The following CHD6 variants were observed in gnomAD, a reference collection of about 807,000 sequenced individuals.
The protein encoded by CHD6 is chromodomain helicase DNA binding protein 6, also known as ATP-dependent chromatin remodeler CHD6.
CHD6 carries 50 observed loss-of-function variants against 276.9 expected under a neutral mutation model. That is an observed-to-expected ratio of 0.18 (90% CI 0.14 to 0.23). CHD6 has a LOEUF of 0.23. CHD6 is among the 10% of genes least tolerant of loss of function. The probability of loss-of-function intolerance (pLI) is 1.00; values close to 1 mark genes in which losing one functional copy is unlikely to be tolerated. For missense variants in CHD6, 2,564 were observed against 3,365.8 expected (o/e 0.76, Z 5.89); for synonymous variants, 1,173 against 1,229.3 (o/e 0.95, Z 0.96).
chr20:41,404,840 A>G lies in CHD6; in HGVS notation c.7901T>C (p.Met2634Thr). 1.2e-6 allele frequency: 2 copies of G among 1,614,140 alleles called. No homozygotes were observed. The highest frequency in any genetic ancestry group is 1.7e-6 in the Non-Finnish European group (2 of 1,180,038). Residue 2634 changes from methionine (M) to threonine (T), a missense_variant, in exon 37 of 37, where the codon ATG (methionine) becomes ACG (threonine). Physicochemically the swap from Met to Thr is moderately conservative, Grantham distance 81. Around this residue, in one of 7 missense-constraint regions of CHD6, gnomAD observed 238 missense variants for 266.0 expected, o/e 0.89. Transcript: ENST00000373233. ...PSMFLSPGMG[M>T]ALPAMQQARH... ...GGCCTGCTGCATGGCTGGCAGAGCC[A>G]TGCCCATACCAGGGGAGAGGAACAT...
At chr20:41,582,849 T>A (rs1387669635) in intron 1 of CHD6, among the ~76,000 whole-genome samples, 1 of 152,188 alleles carries the variant, frequency 6.6e-6, no homozygotes, top group Non-Finnish European at 1.5e-5. Context: ...ATTTAAAAGT[T>A]CCTTTGATGG....
chr20:41,417,527 C>A (rs1485084102), intron 31 of CHD6, among the ~76,000 whole-genome samples, 178 bp from the exon 32 acceptor site: 1 of 152,140 alleles, frequency 6.6e-6, no homozygotes, highest in African/African-American at 2.4e-5. Context: ...ATCAGTTAAG[C>A]CATAAAAGCA....
At chr20:41,430,657 C>T (rs956301527) in intron 27 of CHD6, among the ~76,000 whole-genome samples, 1 of 152,028 alleles carries the variant, frequency 6.6e-6, no homozygotes, top group African/African-American at 2.4e-5. Flanking sequence ...TTTCCTCAGC[C>T]CTCAAATGAA....
intron 1 of CHD6, among the ~76,000 whole-genome samples, chr20:41,604,834 T>C (rs1316509975): frequency 6.6e-6 from 1 of 152,138 alleles, no homozygotes; most frequent in Non-Finnish European, 1.5e-5. Flanking sequence ...ATCCTCGGAC[T>C]ACCAGGTCAA....
At chr20:41,501,812 T>G (rs1000105499) in intron 5 of CHD6, among the ~76,000 whole-genome samples, 4 of 152,206 alleles carry the variant, frequency 2.6e-5, no homozygotes, top group African/African-American at 9.6e-5. Flanking sequence ...TCTGGGTGAC[T>G]TGATAATGTC....
chr20:41,448,516 G>C (rs1324100097), intron 23 of CHD6, among the ~76,000 whole-genome samples: 2 of 152,200 alleles, frequency 1.3e-5, no homozygotes, highest in Non-Finnish European at 2.9e-5. Flanking sequence ...AAGCAATTAA[G>C]CAAGTATTTG....
Position 41,403,246 on chromosome 20 carries a change from T to C in CHD6, c.*1347A>G. The C allele has an allele frequency of 9.4e-7, 1 of 1,060,800 alleles. No homozygotes were observed. Among genetic ancestry groups the C allele is most frequent in the Non-Finnish European group, 1.1e-6 (1 of 875,798 alleles). 65.7% of individuals were successfully genotyped at this position (1,060,800 alleles called of 1,614,324 possible). On this transcript the variant is annotated 3_prime_UTR_variant, in exon 37 of 37. Transcript: ENST00000373233. The stretch of plus-strand genomic sequence containing the variant: ...GTAACACTTGCAACATTTCCAAGGG[T>C]CCTGCGCAGCCCTGCGCCCCCAGAG...
chr20:41,612,767 A>G (rs2045899552), intron 1 of CHD6, among the ~76,000 whole-genome samples: 1 of 152,234 alleles, frequency 6.6e-6, no homozygotes, highest in Non-Finnish European at 1.5e-5. Context: ...ATATACACTT[A>G]AGGAAGGAAC....
chr20:41,602,203 T>A (rs2045780314), intron 1 of CHD6, among the ~76,000 whole-genome samples: 1 of 152,192 alleles, frequency 6.6e-6, no homozygotes, highest in East Asian at 1.9e-4. Flanking sequence ...ATGAATAAAC[T>A]CAGTTAAATA....
intron 5 of CHD6, among the ~76,000 whole-genome samples, chr20:41,505,599 C>T (rs1317255916): frequency 6.6e-6 from 1 of 152,150 alleles, no homozygotes; most frequent in Non-Finnish European, 1.5e-5. Context: ...TTGTTGTTTC[C>T]ATAGCTATTT....
chr20:41,611,141 G>A (rs1250884827), intron 1 of CHD6, among the ~76,000 whole-genome samples: 3 of 152,072 alleles, frequency 2.0e-5, no homozygotes, highest in South Asian at 4.2e-4. Context: ...AAATAAAGAG[G>A]CAAATATAAA....
intron 2 of CHD6, among the ~76,000 whole-genome samples, chr20:41,543,741 G>T (rs1232665636): frequency 6.6e-6 from 1 of 152,208 alleles, no homozygotes; most frequent in African/African-American, 2.4e-5. Context: ...TAAGAATGTA[G>T]TTTGTTAGCA....
chr20:41,560,428 T>G (rs975106228), intron 1 of CHD6, among the ~76,000 whole-genome samples: 5 of 152,182 alleles, frequency 3.3e-5, no homozygotes, highest in African/African-American at 1.2e-4. Context: ...TCAGATCTGG[T>G]GTCATGTTCT....
intron 3 of CHD6, among the ~76,000 whole-genome samples, chr20:41,524,834 T>C (rs1001975729): frequency 3.9e-5 from 6 of 152,230 alleles, no homozygotes; most frequent in Non-Finnish European, 8.8e-5. Context: ...TGATTGCTCC[T>C]CTGTCATGAC....
intron 17 of CHD6, among the ~76,000 whole-genome samples, chr20:41,466,944 T>A (rs539792702): frequency 2.0e-5 from 3 of 152,164 alleles, no homozygotes; most frequent in African/African-American, 7.2e-5. Flanking sequence ...AAAACCAACA[T>A]GCCTGCTTTC....
At chr20:41,524,790 C>A (rs1027870841) in intron 3 of CHD6, among the ~76,000 whole-genome samples, 6 of 152,154 alleles carry the variant, frequency 3.9e-5, no homozygotes, top group Admixed American at 3.9e-4. Context: ...TGGAGGCAAC[C>A]ACACTTTAAA....
chr20:41,477,060 G>A (rs916994100), intron 16 of CHD6, among the ~76,000 whole-genome samples: 1 of 151,808 alleles, frequency 6.6e-6, no homozygotes, highest in Non-Finnish European at 1.5e-5. Context: ...AACATAGTGG[G>A]ACCTCACCTC....
chr20:41,411,880 C>G (rs1454811619), intron 36 of CHD6, among the ~76,000 whole-genome samples: 2 of 152,200 alleles, frequency 1.3e-5, no homozygotes, highest in Non-Finnish European at 2.9e-5. Context: ...AAACAAAACA[C>G]AAACCCAAGT....
intron 4 of CHD6, among the ~76,000 whole-genome samples, chr20:41,513,284 G>C (rs888022633): frequency 1.3e-5 from 2 of 152,156 alleles, no homozygotes; most frequent in Non-Finnish European, 2.9e-5. Flanking sequence ...ATCAACGGTA[G>C]TGACTTTCCC....
Sources: allele counts gnomAD v4.1 joint callset (sites outside exome capture counted in the v4.1 genomes callset), GRCh38; gene constraint gnomAD v4.1.1; regional missense constraint gnomAD v4.1.1; transcripts MANE v1.5; gene names NCBI Gene and HGNC (gene_info 2026-07-23, HGNC 2026-07-21).